FES: variants seen among roughly 807,000 people sequenced by gnomAD.
The protein encoded by FES is FES proto-oncogene, tyrosine kinase, also known as tyrosine-protein kinase Fes/Fps.
Under a neutral mutation model 109.6 loss-of-function variants are expected in FES, and 83 were observed. The ratio of observed to expected loss-of-function variants is 0.76; its 90% CI spans 0.63 to 0.91. The LOEUF is 0.91. Ranked by LOEUF, FES falls within the 40% of genes least tolerant of loss-of-function variation. FES has a pLI of 0.00. For synonymous variants in FES, 458 were observed against 442.1 expected (o/e 1.04, Z -0.45); for missense variants, 943 against 1,070.9 (o/e 0.88, Z 1.67).
intron 1 of FES, 125 bp from the exon 2 acceptor site, chr15:90,884,912 G>C: frequency 1.3e-6 from 1 of 782,232 alleles, no homozygotes; most frequent in East Asian, 2.5e-5. Flanking sequence ...GTGTGAGCGA[G>C]GCAGGACCCC....
chr15:90,884,964 C>T, intron 1 of FES, 73 bp from the exon 2 acceptor site: 3 of 1,279,812 alleles, frequency 2.3e-6, no homozygotes, highest in Non-Finnish European at 1.1e-6. Context: ...CTACAGTCCC[C>T]AGTCTCCTCG....
At chr15:90,890,953 T>C in intron 10 of FES, 29 bp from the exon 11 acceptor site, 1 of 1,551,090 alleles carries the variant, frequency 6.4e-7, no homozygotes, top group Non-Finnish European at 8.7e-7. Context: ...GGTGGTTAAG[T>C]GACTCCTCCT....
chr15:90,894,298 A>C (rs1596118173), intron 18 of FES, among the ~76,000 whole-genome samples: 1 of 152,232 alleles, frequency 6.6e-6, no homozygotes, highest in East Asian at 1.9e-4. Flanking sequence ...AAAAATACAA[A>C]AATAGACTGG....
chr15:90,895,492 T>G lies in FES; in HGVS notation c.2403T>G (p.Pro801=). 6.3e-7 allele frequency: 1 copy of G among 1,599,282 alleles called. No individual in the cohort carries two copies. Among genetic ancestry groups the G allele is most frequent in the Non-Finnish European group, 8.5e-7 (1 of 1,172,182 alleles). ...TGGAGCAGTGCTGGGCCTATGAGCC[T>G]GGGCAGCGGCCCAGCTTCAGCACCA... ...RLMEQCWAYE[P]GQRPSFSTIY... Residue 801 remains proline (P), a synonymous_variant, in exon 19 of 19, where the codon CCT becomes CCG. Coordinates refer to ENST00000328850, the MANE Select transcript of FES (RefSeq NM_002005.4).
At chr15:90,890,776 C>T (rs1263241010) in intron 10 of FES, among the ~76,000 whole-genome samples, 5 of 152,144 alleles carry the variant, frequency 3.3e-5, no homozygotes, top group Non-Finnish European at 7.3e-5. Context: ...TGGGGTCTTC[C>T]TGCCTGGGCT....
rs751436215 is a variant in FES, at chr15:90,893,810, C to G, written c.2202C>G (p.Tyr734Ter). Residue 734 changes from tyrosine to a stop codon, truncating the protein, a stop_gained and splice_region_variant, in exon 17 of 19, where the codon TAC (tyrosine) becomes TAG (stop). Transcript: ENST00000328850. LOFTEE classifies it high-confidence loss of function. ...VKWTAPEALN[Y>*]GRYSSESDVW... ...GGACCGCACCTGAGGCCCTTAACTA[C>G]GGTACCTAGTCCCTGTCTACCCTGG... 1 of 1,592,516 alleles carries G rather than the reference C, an allele frequency of 6.3e-7. No homozygotes were observed. The highest frequency in any genetic ancestry group is 8.6e-7 in the Non-Finnish European group (1 of 1,168,002).
chr15:90,890,037 C>G (rs1453549368), intron 8 of FES, 55 bp from the exon 9 acceptor site: 1 of 1,580,968 alleles, frequency 6.3e-7, no homozygotes, highest in African/African-American at 1.3e-5. Flanking sequence ...GCTGGCTACC[C>G]GCCGCAGACC....
chr15:90,886,449 G>C (rs2032631763), intron 3 of FES, among the ~76,000 whole-genome samples: 3 of 152,208 alleles, frequency 2.0e-5, no homozygotes, highest in African/African-American at 4.8e-5. Context: ...GGGAAACTGA[G>C]GTTGGGCGCT....
chr15:90,891,008 G>A lies in FES; in HGVS notation c.1347G>A (p.Pro449=), dbSNP rs745457962. Residue 449 remains proline (P), a synonymous_variant, in exon 11 of 19, where the codon CCG becomes CCA. Coordinates refer to ENST00000328850, the MANE Select transcript of FES (RefSeq NM_002005.4). Reference sequence around the variant, plus strand: ...TCCCTCCACCGCTGCAGCTCATTCCGGAGGTGCAGAAGCCCCTGCATGAGC... The same window carrying A: ...TCCCTCCACCGCTGCAGCTCATTCCAGAGGTGCAGAAGCCCCTGCATGAGC... ...FSLPPPLQLI[P]EVQKPLHEQL... 1.3e-5 allele frequency: 20 copies of A among 1,592,806 alleles called. No individual in the cohort carries two copies. Among genetic ancestry groups the A allele is most frequent in the South Asian group, 2.3e-5 (2 of 87,706 alleles).
Position 90,892,087 on chromosome 15 carries a change from G to A in FES, c.1683G>A (p.Leu561=), listed in dbSNP as rs766778942. The change falls in exon 13 of 19, where the codon CTG becomes CTA. Residue 561 remains leucine (L), a synonymous_variant. Coordinates refer to ENST00000328850, the MANE Select transcript of FES (RefSeq NM_002005.4). The part of the protein sequence containing the change: ...KDKWVLNHED[L]VLGEQIGRGN... ...AGTGGGTGCTGAACCATGAGGACCT[G>A]GTGTTGGGTGAGCAGATTGGACGGG... The A allele has an allele frequency of 1.2e-6, 2 of 1,614,120 alleles. No homozygotes were observed. The highest frequency in any genetic ancestry group is 1.7e-6 in the Non-Finnish European group (2 of 1,179,990).
chr15:90,886,824 C>T (rs985299410), intron 3 of FES, 137 bp from the exon 4 acceptor site: 9 of 723,558 alleles, frequency 1.2e-5, no homozygotes, highest in South Asian at 5.1e-5. Context: ...TTGACTCTCA[C>T]GTCAGCAGCC....
chr15:90,892,970 G>A lies in FES; in HGVS notation c.1827-130G>A, dbSNP rs904444529. 6.8e-6 allele frequency: 9 copies of A among 1,320,128 alleles called. No homozygotes were observed. The Admixed American group carries it at 1.2e-4, about 17-fold the overall frequency. 81.8% of individuals were successfully genotyped at this position (1,320,128 alleles called of 1,614,324 possible). On this transcript the variant is annotated intron_variant, in intron 14 of 18. Coordinates refer to ENST00000328850, the MANE Select transcript of FES (RefSeq NM_002005.4). ...GTAGTACCCCCTTATAGTGCCGAAGGGTAGAGGCTGCCCCAGGTCACACGT... is the reference window on the plus strand; with the variant it reads ...GTAGTACCCCCTTATAGTGCCGAAGAGTAGAGGCTGCCCCAGGTCACACGT...
intron 18 of FES, among the ~76,000 whole-genome samples, 162 bp from the exon 19 acceptor site, chr15:90,895,254 A>G (rs1248647940): frequency 6.6e-6 from 1 of 152,190 alleles, no homozygotes; most frequent in Non-Finnish European, 1.5e-5. Flanking sequence ...GATTAGGATC[A>G]GAAGCCAGGC....
chr15:90,885,354 G>C (rs560847197), intron 2 of FES, 58 bp from the exon 3 acceptor site: 3 of 1,596,906 alleles, frequency 1.9e-6, no homozygotes, highest in South Asian at 2.3e-5. Flanking sequence ...GATCTGGCAG[G>C]CCAATGCTTG....
intron 5 of FES, among the ~76,000 whole-genome samples, chr15:90,887,797 T>C (rs1490437295): frequency 1.3e-5 from 2 of 152,184 alleles, no homozygotes; most frequent in Non-Finnish European, 2.9e-5. Context: ...GGAAAGCCTC[T>C]TGAGAGGTGA....
Position 90,892,098 on chromosome 15 carries a change from A to G in FES, c.1694A>G (p.Glu565Gly). The change falls in exon 13 of 19, where the codon GAG becomes GGG. Residue 565 changes from glutamate to glycine, a missense_variant. Transcript: ENST00000328850. Reference sequence around the variant, plus strand: ...AACCATGAGGACCTGGTGTTGGGTGAGCAGATTGGACGGGTGAGTGCGCCT... The same window carrying G: ...AACCATGAGGACCTGGTGTTGGGTGGGCAGATTGGACGGGTGAGTGCGCCT... ...VLNHEDLVLGEQIGRGNFGEV... is the reference protein window; with the variant it reads ...VLNHEDLVLGGQIGRGNFGEV... The G allele has an allele frequency of 1.2e-6, 2 of 1,614,096 alleles. No individual in the cohort carries two copies. The highest frequency in any genetic ancestry group is 1.1e-5 in the South Asian group (1 of 91,088).
At chr15:90,891,472 C>T (rs2033206241) in intron 11 of FES, 82 bp from the exon 12 acceptor site, 1 of 1,592,082 alleles carries the variant, frequency 6.3e-7, no homozygotes, top group Admixed American at 1.7e-5. Context: ...CCCTTTCTCC[C>T]CTGCTGCTCT....
chr15:90,887,123 C>T lies in FES; in HGVS notation c.485-64C>T, dbSNP rs2032720262. 3.7e-6 allele frequency: 6 copies of T among 1,612,536 alleles called. No individual in the cohort carries two copies. In the African/African-American group the frequency reaches 4.0e-5, roughly 11 times the overall value. ...CAGTGCTGACCTGTCCTTGGGTACCCAGAGAGTGGGGGCTGCCTGGGCCTC... is the reference window on the plus strand; with the variant it reads ...CAGTGCTGACCTGTCCTTGGGTACCTAGAGAGTGGGGGCTGCCTGGGCCTC... On this transcript the variant is annotated intron_variant, in intron 4 of 18. Transcript: ENST00000328850.
rs143228307 is a variant in FES, at chr15:90,893,295, C to A, written c.1926C>A (p.Gly642=). Residue 642 remains glycine (G), a synonymous_variant, in exon 16 of 19, where the codon GGC becomes GGA. Coordinates refer to ENST00000328850, the MANE Select transcript of FES (RefSeq NM_002005.4). ...AGGGGTCCTCCCCACCTGCAGGGGG[C>A]GACTTCCTGACCTTCCTCCGCACGG... ...IYIVMELVQG[G]DFLTFLRTEG... 3.5e-3 allele frequency: 5,652 copies of A among 1,597,168 alleles called. 21 individuals carry two copies. The highest frequency in any genetic ancestry group is 4.4e-3 in the Non-Finnish European group (5,161 of 1,171,364).
Sources: gnomAD v4.1 joint callset for allele counts (sites outside exome capture counted in the v4.1 genomes callset) on GRCh38, gnomAD v4.1.1 for gene constraint, MANE v1.5 for transcripts, NCBI Gene and HGNC (gene_info 2026-07-23, HGNC 2026-07-21) for gene names.